Variants in SORL1 observed in about 807,000 individuals in gnomAD.
SORL1 encodes the protein sortilin-related receptor.
In SORL1, 127 loss-of-function variants were observed where a neutral mutation model predicts 273.7. That is an observed-to-expected ratio of 0.46 (90% confidence interval 0.40 to 0.54). The LOEUF (loss-of-function observed/expected upper bound fraction) is 0.54, where lower values mean the gene tolerates loss of function less well. Ranked by LOEUF, SORL1 falls within the 20% of genes least tolerant of loss-of-function variation. The pLI is 0.00. For missense variants in SORL1, 2,494 were observed against 2,846.1 expected, an observed-to-expected ratio of 0.88 and a Z score of 2.81; for synonymous variants, 1,031 against 1,067.4, an observed-to-expected ratio of 0.97 and a Z score of 0.66.
Position 121,620,031 on chromosome 11 carries a change from T to A in SORL1, c.5889+114T>A, listed in dbSNP as rs543344072. On this transcript the variant is annotated intron_variant, in intron 43 of 47. Transcript: ENST00000260197. ...GAAACACAGGCCTGGTTTCTGGCGC[T>A]CAGCAGGAGGTCTCTCTCCCATTTC... 11 of 816,194 alleles carry A rather than the reference T, an allele frequency of 1.3e-5. No individual in the cohort carries two copies. The African/African-American group carries it at 1.7e-4, about 13-fold the overall frequency. 50.6% of individuals were successfully genotyped at this position (816,194 alleles called of 1,614,324 possible).
chr11:121,493,123 C>T (rs566629806), intron 5 of SORL1, among the ~76,000 whole-genome samples: 1 of 152,226 alleles, frequency 6.6e-6, no homozygotes, highest in Non-Finnish European at 1.5e-5. Context: ...GGACTACAGG[C>T]ATGTGCAGCC....
intron 32 of SORL1, 130 bp from the exon 33 acceptor site, chr11:121,604,063 G>C: frequency 9.0e-7 from 1 of 1,117,080 alleles, no homozygotes; most frequent in Non-Finnish European, 1.3e-6. Context: ...TTCCACCACT[G>C]GTCATTCCAG....
Position 121,583,557 on chromosome 11 carries a change from G to T in SORL1, c.3680G>T (p.Gly1227Val), listed in dbSNP as rs776204133. Reference protein sequence around the residue: ...ACDGDTDCQDGSDEDPVNCEK... With the variant: ...ACDGDTDCQDVSDEDPVNCEK... The stretch of plus-strand genomic sequence containing the variant: ...GACGGGGATACGGACTGCCAGGATG[G>T]TTCCGATGAGGATCCAGTCAACTGT... The change falls in exon 26 of 48, where the codon GGT (glycine) becomes GTT (valine). Residue 1227 changes from glycine to valine, a missense_variant. Around this residue, in one of 3 missense-constraint regions of SORL1, gnomAD observed 1,609 missense variants for 1,816.4 expected, o/e 0.89. Transcript: ENST00000260197. The T allele has an allele frequency of 6.2e-7, 1 of 1,611,600 alleles. No homozygotes were observed. Among genetic ancestry groups the T allele is most frequent in the Non-Finnish European group, 8.5e-7 (1 of 1,178,918 alleles).
intron 5 of SORL1, among the ~76,000 whole-genome samples, chr11:121,493,609 G>C (rs1314514401): frequency 6.6e-6 from 1 of 152,162 alleles, no homozygotes. Context: ...GTTTCAAGGA[G>C]CTCTTTATAT....
In SORL1 at chr11:121,550,680, G is replaced by A; in HGVS notation, c.2266+10G>A. 1 of 1,607,442 alleles carries A rather than the reference G, an allele frequency of 6.2e-7. No individual in the cohort carries two copies. The highest frequency in any genetic ancestry group is 1.3e-5 in the African/African-American group (1 of 74,872). ...CCCTGTCCCCTGGCAGGTAAGAGAG[G>A]TGGTTTCTTCCCTTTCATTTCTTGA... On this transcript the variant is annotated intron_variant, in intron 16 of 47. Coordinates refer to ENST00000260197, the MANE Select transcript of SORL1 (RefSeq NM_003105.6). This position sits in a 1 kb window ranked among gnomAD's most constrained non-coding sequence, Gnocchi z 5.3.
chr11:121,625,392 A>G (rs1863781055), intron 46 of SORL1, 115 bp downstream of exon 46: 1 of 853,504 alleles, frequency 1.2e-6, no homozygotes, highest in Admixed American at 3.1e-5. Flanking sequence ...TCTCAGCTTA[A>G]AAGAAAATCA....
intron 12 of SORL1, among the ~76,000 whole-genome samples, chr11:121,538,920 G>A (rs902460399): frequency 9.2e-5 from 14 of 151,980 alleles, no homozygotes; most frequent in Admixed American, 2.6e-4. Flanking sequence ...CTTGTGACCC[G>A]CCCGCCTCAG....
At chr11:121,555,967 C>T (rs1862575993) in intron 18 of SORL1, among the ~76,000 whole-genome samples, 1 of 152,128 alleles carries the variant, frequency 6.6e-6, no homozygotes, top group African/African-American at 2.4e-5. Flanking sequence ...GTGGGAAGTG[C>T]AGTAGAAGCA....
chr11:121,463,682 C>G (rs1861038497), intron 1 of SORL1, among the ~76,000 whole-genome samples: 1 of 152,188 alleles, frequency 6.6e-6, no homozygotes, highest in Non-Finnish European at 1.5e-5. Flanking sequence ...CAAAGTAGTT[C>G]AGGAGTTCTG....
chr11:121,520,832 G>A lies in SORL1; in HGVS notation c.1387G>A (p.Glu463Lys). The change falls in exon 9 of 48, where the codon GAG (glutamate) becomes AAG (lysine). Residue 463 changes from glutamate to lysine, a missense_variant. Physicochemically the swap from Glu to Lys is moderately conservative, Grantham distance 56 (BLOSUM62 1). This residue lies in a region of SORL1 where 710 missense variants were observed against 882.5 expected (regional missense o/e 0.80). Coordinates refer to ENST00000260197, the MANE Select transcript of SORL1 (RefSeq NM_003105.6). The stretch of plus-strand genomic sequence containing the variant: ...GGCTCCAGCCTTCACGGGATATGGA[G>A]AGAAAATCAATTGTGAGGTATTGAT... ...LQAPAFTGYG[E>K]KINCELSQGC... is the part of the protein sequence containing the mutation. 6.3e-7 allele frequency: 1 copy of A among 1,596,364 alleles called. No individual in the cohort carries two copies. The highest frequency in any genetic ancestry group is 8.5e-7 in the Non-Finnish European group (1 of 1,174,890).
rs917371632 is a variant in SORL1, at chr11:121,627,748, C to T, written c.6558C>T (p.Phe2186=). The T allele has an allele frequency of 1.2e-6, 2 of 1,613,650 alleles. No homozygotes were observed. The highest frequency in any genetic ancestry group is 2.7e-5 in the African/African-American group (2 of 74,936). ...HYSSRLGSAI[F]SSGDDLGEDD... Reference sequence around the variant, plus strand: ...GCTCCAGGCTGGGGTCCGCAATCTTCTCCTCTGGGGATGACCTGGGTAAGT... The same window carrying T: ...GCTCCAGGCTGGGGTCCGCAATCTTTTCCTCTGGGGATGACCTGGGTAAGT... Residue 2186 remains phenylalanine (F), a synonymous_variant, in exon 47 of 48, where the codon TTC becomes TTT. Coordinates refer to ENST00000260197, the MANE Select transcript of SORL1 (RefSeq NM_003105.6). The surrounding 1 kb of genome is among the most constrained non-coding windows in gnomAD (Gnocchi z 4.9).
intron 12 of SORL1, among the ~76,000 whole-genome samples, chr11:121,540,842 G>A (rs377130387): frequency 3.3e-5 from 5 of 152,190 alleles, no homozygotes; most frequent in East Asian, 1.9e-4. Flanking sequence ...TGTTGGGTTC[G>A]AGGAGCTCTT....
chr11:121,462,057 GTAGT>G (rs1861008896), intron 1 of SORL1, among the ~76,000 whole-genome samples: 1 of 152,180 alleles, frequency 6.6e-6, no homozygotes, highest in South Asian at 2.1e-4. Context: ...TGACTTACCC[GTAGT>G]TAGACAGGTG....
At chr11:121,555,165 A>G (rs1862559340) in intron 17 of SORL1, 22 bp from the exon 18 acceptor site, 2 of 1,608,112 alleles carry the variant, frequency 1.2e-6, no homozygotes, top group African/African-American at 1.3e-5. Flanking sequence ...CCTAGCATTT[A>G]TTATTACTTT....
chr11:121,539,748 C>G (rs923701252), intron 12 of SORL1, among the ~76,000 whole-genome samples: 2 of 151,770 alleles, frequency 1.3e-5, no homozygotes. Context: ...ATTTTCAATT[C>G]AAAGTTCTAG....
intron 25 of SORL1, among the ~76,000 whole-genome samples, chr11:121,580,455 A>AT (rs1257891900): frequency 2.6e-5 from 4 of 151,972 alleles, no homozygotes; most frequent in African/African-American, 9.7e-5. Context: ...TTCCATGAGT[A>AT]TACGTTTTGT....
intron 14 of SORL1, among the ~76,000 whole-genome samples, chr11:121,549,651 A>G (rs1862479306): frequency 6.8e-6 from 1 of 147,734 alleles, no homozygotes; most frequent in Non-Finnish European, 1.5e-5. Context: ...TTTAACAGAG[A>G]GGGCAGGTCC....
chr11:121,619,643 G>T, intron 42 of SORL1, 110 bp from the exon 43 acceptor site: 1 of 909,796 alleles, frequency 1.1e-6, no homozygotes, highest in Admixed American at 2.5e-5. Flanking sequence ...ATGGTTTTTT[G>T]TACTAACTGA....
At position 121,605,540 on chromosome 11, in the gene SORL1, T is replaced by A. The variant is rs771657008; in HGVS notation, c.4917T>A (p.Asn1639Lys). 6.2e-7 allele frequency: 1 copy of A among 1,614,128 alleles called. No individual in the cohort carries two copies. Among genetic ancestry groups the A allele is most frequent in the South Asian group, 1.1e-5 (1 of 91,086 alleles). Residue 1639 changes from asparagine (N) to lysine (K), a missense_variant, in exon 35 of 48, where the codon AAT (asparagine) becomes AAA (lysine). By Grantham distance (94) the Asn-to-Lys change is moderately conservative. This residue lies in a region of SORL1 where 1,609 missense variants were observed against 1,816.4 expected (regional missense o/e 0.89). Transcript: ENST00000260197. ...VQCLSKAHNT[N>K]DFVTLRTPEG... ...GTCTCAGCAAGGCACACAACACCAA[T>A]GACTTTGTGACCCTGAGGACCCCAG...
Sources: gnomAD v4.1 joint callset for allele counts (sites outside exome capture counted in the v4.1 genomes callset) on GRCh38, gnomAD v4.1.1 for gene constraint, gnomAD v4.1.1 regional missense constraint, Gnocchi (gnomAD v3.1) non-coding constraint, MANE v1.5 for transcripts, NCBI Gene and HGNC (gene_info 2026-07-23, HGNC 2026-07-21) for gene names.